Variants in TRABD2B observed in about 807,000 individuals in gnomAD.
The protein encoded by TRABD2B is TraB domain containing 2B, also known as metalloprotease TIKI2.
In TRABD2B, 14 loss-of-function variants were observed where a neutral mutation model predicts 40.1. That is an observed-to-expected ratio of 0.35 (90% confidence interval 0.23 to 0.55). The LOEUF (loss-of-function observed/expected upper bound fraction) is 0.55. TRABD2B is among the 20% of genes least tolerant of loss of function. The pLI, the probability that TRABD2B is intolerant of heterozygous loss-of-function variation, is 0.90. For missense variants in TRABD2B, 541 were observed against 648.6 expected (o/e 0.83, Z 1.80); for synonymous variants, 263 against 277.0 (o/e 0.95, Z 0.50).
rs770263150 is a variant in TRABD2B at position 47,760,536 on chromosome 1, A to G, written c.*5366T>C. On this transcript the variant is annotated 3_prime_UTR_variant, in exon 7 of 7. Transcript: ENST00000606738. Reference sequence around the variant, plus strand: ...ACAGAAACACTAAGCCATTGAATTCATAATATCTTTTATTAATATATTATG... The same window carrying G: ...ACAGAAACACTAAGCCATTGAATTCGTAATATCTTTTATTAATATATTATG... 9 of 152,222 alleles carry G rather than the reference A, an allele frequency of 5.9e-5. No homozygotes were observed. Among genetic ancestry groups the G allele is most frequent in the Admixed American group, 2.0e-4 (3 of 15,280 alleles). 9.4% of individuals were successfully genotyped at this position (152,222 alleles called of 1,614,324 possible). A position where few individuals can be genotyped will look rare whatever the true frequency, so the allele number is the denominator to read the frequency against.
intron 2 of TRABD2B, among the ~76,000 whole-genome samples, chr1:47,928,513 G>C (rs1305278617): frequency 2.0e-5 from 3 of 152,192 alleles, no homozygotes; most frequent in Non-Finnish European, 4.4e-5. Flanking sequence ...TGATTATTGG[G>C]CCCAAGAATC....
At chr1:47,889,433 G>GTCATGTCACATTGTTCATGTGT (rs1557638661) in intron 2 of TRABD2B, among the ~76,000 whole-genome samples, 2 of 152,234 alleles carry the variant, frequency 1.3e-5, no homozygotes, top group Non-Finnish European at 2.9e-5. Flanking sequence ...TATGTGGCTT[G>GTCATGTCACATTGTTCATGTGT]TCATGTCACA....
At chr1:47,817,338 G>A (rs532712100) in intron 2 of TRABD2B, among the ~76,000 whole-genome samples, 2 of 152,138 alleles carry the variant, frequency 1.3e-5, no homozygotes, top group East Asian at 2.0e-4. Flanking sequence ...CTCCCATCTG[G>A]GTTCCCAGTG....
At chr1:47,768,170 C>T (rs1178297863) in intron 6 of TRABD2B, among the ~76,000 whole-genome samples, 1 of 152,200 alleles carries the variant, frequency 6.6e-6, no homozygotes, top group Non-Finnish European at 1.5e-5. Flanking sequence ...TCAGCACCCC[C>T]TGCAGTTGCA....
intron 2 of TRABD2B, among the ~76,000 whole-genome samples, chr1:47,926,608 G>T (rs1644972386): frequency 6.6e-6 from 1 of 152,136 alleles, no homozygotes; most frequent in Non-Finnish European, 1.5e-5. Flanking sequence ...TGTGGGATAA[G>T]ATCTGGCGGC....
At chr1:47,886,040 G>GA (rs1241449209) in intron 2 of TRABD2B, among the ~76,000 whole-genome samples, 8 of 152,154 alleles carry the variant, frequency 5.3e-5, no homozygotes, top group African/African-American at 1.9e-4. Context: ...AAGAATATAG[G>GA]AAGTGAGATA....
At chr1:47,910,340 A>G (rs1245870805) in intron 2 of TRABD2B, among the ~76,000 whole-genome samples, 1 of 152,094 alleles carries the variant, frequency 6.6e-6, no homozygotes, top group Admixed American at 6.5e-5. Flanking sequence ...CTTCCCTAAA[A>G]CCTGACTCCT....
intron 6 of TRABD2B, among the ~76,000 whole-genome samples, chr1:47,768,842 T>C (rs113737756): frequency 6.6e-6 from 1 of 152,252 alleles, no homozygotes; most frequent in African/African-American, 2.4e-5. Flanking sequence ...CTTGGTGCTA[T>C]ACACGTGTTA....
At chr1:47,913,404 C>A (rs756624253) in intron 2 of TRABD2B, among the ~76,000 whole-genome samples, 8 of 152,104 alleles carry the variant, frequency 5.3e-5, no homozygotes, top group Non-Finnish European at 1.0e-4. Context: ...TGCTCTGCAC[C>A]CATCAGAAAC....
chr1:47,983,074 G>C (rs1362660524), intron 2 of TRABD2B, among the ~76,000 whole-genome samples: 1 of 152,188 alleles, frequency 6.6e-6, no homozygotes, highest in Non-Finnish European at 1.5e-5. Flanking sequence ...CAAAGACATG[G>C]AATCAACCTA....
intron 2 of TRABD2B, chr1:47,818,036 CTG>C (rs1645058223): frequency 2.6e-5 from 4 of 152,348 alleles, no homozygotes; most frequent in Admixed American, 2.6e-4. Context: ...GAGAGCAGGG[CTG>C]TGTGCCGCCG....
chr1:47,768,708 A>G (rs1198117744), intron 6 of TRABD2B, among the ~76,000 whole-genome samples: 2 of 152,230 alleles, frequency 1.3e-5, no homozygotes, highest in South Asian at 2.1e-4. Context: ...AGTGCCTGGC[A>G]CACAAGAAGT....
chr1:47,874,754 G>A (rs931974321), intron 2 of TRABD2B, among the ~76,000 whole-genome samples: 6 of 147,796 alleles, frequency 4.1e-5, no homozygotes, highest in African/African-American at 1.2e-4. Context: ...ATATATACAC[G>A]CACACACACA....
chr1:47,895,456 C>A, intron 2 of TRABD2B, among the ~76,000 whole-genome samples: 1 of 151,618 alleles, frequency 6.6e-6, no homozygotes, highest in East Asian at 1.9e-4. Flanking sequence ...CTGGACCCCA[C>A]TGCCCCCCTC....
intron 2 of TRABD2B, among the ~76,000 whole-genome samples, chr1:47,904,115 G>C (rs1048411893): frequency 5.3e-5 from 8 of 152,238 alleles, no homozygotes; most frequent in African/African-American, 1.9e-4. Context: ...AGCTGTAACA[G>C]GGCACTGATT....
intron 2 of TRABD2B, among the ~76,000 whole-genome samples, chr1:47,953,297 T>C (rs1312904675): frequency 6.6e-6 from 1 of 152,136 alleles, no homozygotes; most frequent in Admixed American, 6.5e-5. Context: ...ATGGAACACA[T>C]ACAAACGTGC....
rs117940223 is a variant in TRABD2B, at chr1:47,766,986, C to A, written c.1350-880G>T. On this transcript the variant is annotated intron_variant, in intron 6 of 6. Transcript: ENST00000606738. ...CCCAGCACACGGTGGCCTTGGGAAG[C>A]TGGAGGCGGGGGCAGGGGGTACTCA... 1.1e-4 allele frequency among the ~76,000 whole-genome samples: 16 copies of A among 152,262 alleles called. No individual in the cohort carries two copies. In the East Asian group the frequency reaches 2.9e-3, roughly 28 times the overall value.
At position 47,801,482 on chromosome 1, in the gene TRABD2B, G is replaced by C; in HGVS notation, c.804C>G (p.Asp268Glu). The change falls in exon 3 of 7, where the codon GAC (aspartate) becomes GAG (glutamate). Residue 268 changes from aspartate to glutamate, a missense_variant. Asp to Glu is a conservative substitution (Grantham distance 45). Coordinates refer to ENST00000606738, the MANE Select transcript of TRABD2B (RefSeq NM_001194986.2). ...GDLSAVIFNH[D>E]TSQLPNFINT... ...TGGAGAGGAGCCTCACCTGGGATGT[G>C]TCGTGGTTGAAGATGACTGCGCTGA... The C allele has an allele frequency of 6.5e-7, 1 of 1,536,036 alleles. No individual in the cohort carries two copies. The highest frequency in any genetic ancestry group is 1.7e-4 in the Middle Eastern group (1 of 5,990).
intron 2 of TRABD2B, among the ~76,000 whole-genome samples, chr1:47,891,891 G>A (rs757743463): frequency 6.6e-6 from 1 of 152,204 alleles, no homozygotes; most frequent in Non-Finnish European, 1.5e-5. Context: ...TAGTATGGCT[G>A]AAGTGGAGTA....
Sources: allele counts gnomAD v4.1 joint callset (sites outside exome capture counted in the v4.1 genomes callset), GRCh38; gene constraint gnomAD v4.1.1; transcripts MANE v1.5; gene names NCBI Gene and HGNC (gene_info 2026-07-23, HGNC 2026-07-21).